The following BSN variants were observed in gnomAD, a reference collection of about 807,000 sequenced individuals.
BSN encodes the protein protein bassoon.
BSN carries 57 observed loss-of-function variants against 264.8 expected under a neutral mutation model. The observed-to-expected ratio is 0.22, with a 90% CI of 0.17 to 0.27. The LOEUF is 0.27. Ranked by LOEUF, BSN falls within the 10% of genes least tolerant of loss-of-function variation. The pLI, the probability that BSN is intolerant of heterozygous loss-of-function variation, is 1.00. For missense variants in BSN, 4,615 were observed against 5,232.5 expected, an observed-to-expected ratio of 0.88 and a Z score of 3.64; for synonymous variants, 2,059 against 2,137.3, an observed-to-expected ratio of 0.96 and a Z score of 1.01.
At chr3:49,664,727 A>C (rs367739303) in intron 9 of BSN, 72 bp from the exon 10 acceptor site, 1 of 1,587,396 alleles carries the variant, frequency 6.3e-7, no homozygotes, top group South Asian at 1.1e-5. Flanking sequence ...TGCCTTCACT[A>C]TGCCAAGTGG....
chr3:49,597,501 T>A lies in BSN; in HGVS notation c.225-27474T>A, dbSNP rs1026521244. Reference sequence around the variant, plus strand: ...TGCCCCACCACACCCAGCACATTTTTAAATTTTTTTGTAGAGACAGGGTCT... The same window carrying A: ...TGCCCCACCACACCCAGCACATTTTAAAATTTTTTTGTAGAGACAGGGTCT... On this transcript the variant is annotated intron_variant, in intron 1 of 11. Coordinates refer to ENST00000296452, the MANE Select transcript of BSN (RefSeq NM_003458.4). Among the ~76,000 whole-genome samples the A allele has an allele frequency of 3.9e-5, 6 of 152,156 alleles. No homozygotes were observed. The East Asian group carries it at 5.8e-4, about 15-fold the overall frequency.
At position 49,554,760 on chromosome 3, in the gene BSN, G is replaced by T. The variant is rs770081969; in HGVS notation, c.158G>T (p.Arg53Leu). 1.6e-6 allele frequency: 2 copies of T among 1,229,204 alleles called. No homozygotes were observed. The highest frequency in any genetic ancestry group is 2.0e-6 in the Non-Finnish European group (2 of 985,462). 76.1% of individuals were successfully genotyped at this position (1,229,204 alleles called of 1,614,324 possible). Residue 53 changes from arginine (R) to leucine (L), a missense_variant, in exon 1 of 12, where the codon CGG becomes CTG. Arg to Leu is a moderately radical substitution (Grantham distance 102, BLOSUM62 -2). Around this residue, in one of 3 missense-constraint regions of BSN, gnomAD observed 1,197 missense variants for 1,348.0 expected, o/e 0.89. Transcript: ENST00000296452. The part of the protein sequence containing the change: ...GGQLPAAGAA[R>L]STAVPPVPGP... ...CAGCTCCCCGCGGCGGGAGCAGCGC[G>T]GTCGACCGCGGTACCACCGGTCCCT...
intron 1 of BSN, among the ~76,000 whole-genome samples, chr3:49,580,148 G>A (rs2051884780): frequency 6.6e-6 from 1 of 152,004 alleles, no homozygotes; most frequent in Admixed American, 6.6e-5. Context: ...GTCTCATTAT[G>A]TTCCTGAGGC....
In BSN at chr3:49,663,297, C is replaced by G; in HGVS notation, c.11139C>G (p.Ser3713=). The change falls in exon 7 of 12, where the codon TCC becomes TCG. Residue 3713 remains serine, a synonymous_variant. Coordinates refer to ENST00000296452, the MANE Select transcript of BSN (RefSeq NM_003458.4). ...ACTCACAGCCATCCCGTGCTTCATC[C>G]GCATACCATCATGCCTCTGACAGCA... ...AEYSQPSRAS[S]AYHHASDSKK... is the part of the protein sequence containing the mutation. 6.2e-7 allele frequency: 1 copy of G among 1,614,096 alleles called. No homozygotes were observed. Among genetic ancestry groups the G allele is most frequent in the Middle Eastern group, 1.6e-4 (1 of 6,062 alleles).
At chr3:49,631,013 C>T (rs768046593) in intron 2 of BSN, among the ~76,000 whole-genome samples, 1 of 152,106 alleles carries the variant, frequency 6.6e-6, no homozygotes, top group Non-Finnish European at 1.5e-5. Flanking sequence ...AGAGGGCAGC[C>T]CTCTCCCTTC....
rs2052641290 is a variant in BSN, at chr3:49,660,155, C to G, written c.8641-331C>G. On this transcript the variant is annotated intron_variant, in intron 5 of 11. Coordinates refer to ENST00000296452, the MANE Select transcript of BSN (RefSeq NM_003458.4). The surrounding 1 kb of genome is among the most constrained non-coding windows in gnomAD (Gnocchi z 7.1). The stretch of plus-strand genomic sequence containing the variant: ...TACCTCAATGTGAGGCAGAGGGTGG[C>G]AGGCCCATTGGAGATGTGCAGGGGT... Among the ~76,000 whole-genome samples the G allele has an allele frequency of 6.6e-6, 1 of 152,124 alleles. No individual in the cohort carries two copies. Among genetic ancestry groups the G allele is most frequent in the South Asian group, 2.1e-4 (1 of 4,828 alleles).
intron 1 of BSN, among the ~76,000 whole-genome samples, chr3:49,557,353 C>T (rs916375632): frequency 7.9e-5 from 12 of 152,238 alleles, no homozygotes; most frequent in African/African-American, 2.4e-4. Flanking sequence ...ATCATTCACT[C>T]GTTAATTCAT....
intron 1 of BSN, among the ~76,000 whole-genome samples, chr3:49,557,518 T>C (rs2051682173): frequency 6.6e-6 from 1 of 151,858 alleles, no homozygotes; most frequent in African/African-American, 2.4e-5. Flanking sequence ...GAAGGAGCCA[T>C]GTAGACCAGT....
chr3:49,663,834 G>A lies in BSN; in HGVS notation c.11556G>A (p.Pro3852=), dbSNP rs138659914. The A allele has an allele frequency of 1.1e-4, 183 of 1,614,094 alleles. No individual in the cohort carries two copies. Among genetic ancestry groups the A allele is most frequent in the Non-Finnish European group, 1.4e-4 (167 of 1,180,026 alleles). Residue 3852 remains proline, a synonymous_variant, in exon 8 of 12, where the codon CCG becomes CCA. Transcript: ENST00000296452. The part of the protein sequence containing the change: ...TNGSKGTAKA[P]QQGRAPQAQP... ...GCTCTAAAGGGACAGCCAAAGCACC[G>A]CAACAGGGGAGGGCTCCTCAGGCCC...
intron 1 of BSN, among the ~76,000 whole-genome samples, chr3:49,562,616 A>G (rs564333848): frequency 4.6e-5 from 7 of 152,348 alleles, no homozygotes; most frequent in South Asian, 2.1e-4. Flanking sequence ...GGAAGCTCCA[A>G]AGGCCTAAGA....
At position 49,652,500 on chromosome 3, in the gene BSN, A is replaced by G; in HGVS notation, c.2944A>G (p.Thr982Ala). The change falls in exon 5 of 12, where the codon ACA becomes GCA. Residue 982 changes from threonine to alanine, a missense_variant. Transcript: ENST00000296452. ...EDRSRGEHSS[T>A]LPASTPSYTS... ...CCGCTCCCGTGGTGAGCACTCCTCT[A>G]CATTGCCTGCCTCCACACCCAGCTA... 2 of 1,613,738 alleles carry G rather than the reference A, an allele frequency of 1.2e-6. No individual in the cohort carries two copies. The highest frequency in any genetic ancestry group is 1.7e-6 in the Non-Finnish European group (2 of 1,179,986).
Position 49,652,161 on chromosome 3 carries a change from C to G in BSN, c.2605C>G (p.Leu869Val). 1 of 1,614,046 alleles carries G rather than the reference C, an allele frequency of 6.2e-7. No homozygotes were observed. The highest frequency in any genetic ancestry group is 1.3e-5 in the African/African-American group (1 of 75,068). ...EDDTATSGRG[L>V]AKHGTQKGGP... ...TGACACTGCCACCTCCGGGCGTGGC[C>G]TGGCCAAACATGGCACCCAGAAAGG... The change falls in exon 5 of 12, where the codon CTG becomes GTG. Residue 869 changes from leucine to valine, a missense_variant. Leu to Val is a conservative substitution (Grantham distance 32, BLOSUM62 1). Transcript: ENST00000296452.
intron 1 of BSN, among the ~76,000 whole-genome samples, chr3:49,564,460 T>C (rs1424412320): frequency 6.6e-6 from 1 of 152,252 alleles, no homozygotes; most frequent in Non-Finnish European, 1.5e-5. Flanking sequence ...GGAACCTGAC[T>C]GTGTTCCATG....
At position 49,650,861 on chromosome 3, in the gene BSN, G is replaced by A. The variant is rs751723389; in HGVS notation, c.1768G>A (p.Ala590Thr). ...TCTGCCCAGCAAGGCCAGCCCCCAGGCCAAGCCCCTCAGGGCTTCTGAACC... is the reference window on the plus strand; with the variant it reads ...TCTGCCCAGCAAGGCCAGCCCCCAGACCAAGCCCCTCAGGGCTTCTGAACC... ...SPLPSKASPQ[A>T]KPLRASEPSK... Residue 590 changes from alanine (A) to threonine (T), a missense_variant, in exon 4 of 12, where the codon GCC becomes ACC. By Grantham distance (58) the Ala-to-Thr change is moderately conservative. This residue lies in a region of BSN where 1,197 missense variants were observed against 1,348.0 expected (regional missense o/e 0.89). Coordinates refer to ENST00000296452, the MANE Select transcript of BSN (RefSeq NM_003458.4). 5 of 1,614,052 alleles carry A rather than the reference G, an allele frequency of 3.1e-6. No individual in the cohort carries two copies. The African/African-American group carries it at 5.3e-5, about 17-fold the overall frequency.
chr3:49,586,720 G>A (rs1409316634), intron 1 of BSN, among the ~76,000 whole-genome samples: 1 of 152,192 alleles, frequency 6.6e-6, no homozygotes, highest in African/African-American at 2.4e-5. Flanking sequence ...GTTCACTGTA[G>A]GTGTGTGGAC....
chr3:49,635,941 T>TGCA (rs1230423370), intron 2 of BSN, among the ~76,000 whole-genome samples: 1 of 150,474 alleles, frequency 6.6e-6, no homozygotes, highest in Non-Finnish European at 1.5e-5. Flanking sequence ...ATCATGGCAC[T>TGCA]GCACTTCAGA....
In BSN at chr3:49,657,927, C is replaced by G; in HGVS notation, c.8371C>G (p.Pro2791Ala). The change falls in exon 5 of 12, where the codon CCT (proline) becomes GCT (alanine). Residue 2791 changes from proline to alanine, a missense_variant. Transcript: ENST00000296452. ...TGTGAGCCGCCAGCCTCCCAAGTCCCCTCAGGTCCTCTACTCACCAGTCTC... is the reference window on the plus strand; with the variant it reads ...TGTGAGCCGCCAGCCTCCCAAGTCCGCTCAGGTCCTCTACTCACCAGTCTC... ...QLVSRQPPKSPQVLYSPVSPL... is the reference protein window; with the variant it reads ...QLVSRQPPKSAQVLYSPVSPL... 6.2e-7 allele frequency: 1 copy of G among 1,613,782 alleles called. No homozygotes were observed. The highest frequency in any genetic ancestry group is 1.1e-5 in the South Asian group (1 of 91,072).
intron 1 of BSN, among the ~76,000 whole-genome samples, chr3:49,588,820 T>C (rs1449467308): frequency 6.6e-6 from 1 of 152,182 alleles, no homozygotes; most frequent in African/African-American, 2.4e-5. Flanking sequence ...TCTTTTCAAT[T>C]TTTTGAGGTT....
chr3:49,663,660 A>G lies in BSN; in HGVS notation c.11502A>G (p.Ala3834=). Residue 3834 remains alanine, a synonymous_variant, in exon 7 of 12, where the codon GCA becomes GCG. Coordinates refer to ENST00000296452, the MANE Select transcript of BSN (RefSeq NM_003458.4). ...GPSTATGPQP[A]GPPRAEQTNG... ...GCACAGCCACAGGTCCTCAACCAGC[A>G]GGACCGGTAAGCAGAGCTCCCATGC... The G allele has an allele frequency of 1.9e-6, 3 of 1,603,594 alleles. No homozygotes were observed. The highest frequency in any genetic ancestry group is 2.6e-6 in the Non-Finnish European group (3 of 1,173,822).
Sources: allele counts gnomAD v4.1 joint callset (sites outside exome capture counted in the v4.1 genomes callset), GRCh38; gene constraint gnomAD v4.1.1; regional missense constraint gnomAD v4.1.1; non-coding constraint Gnocchi (gnomAD v3.1); transcripts MANE v1.5; gene names NCBI Gene and HGNC (gene_info 2026-07-23, HGNC 2026-07-21).